Variants in GALNT2 observed in about 807,000 individuals in gnomAD.
The protein encoded by GALNT2 is polypeptide N-acetylgalactosaminyltransferase 2.
A neutral mutation model predicts 81.4 loss-of-function variants in GALNT2; 31 were observed. The observed-to-expected ratio is 0.38, with a 90% confidence interval of 0.29 to 0.51. The LOEUF (loss-of-function observed/expected upper bound fraction) is 0.51, where lower values mean the gene tolerates loss of function less well. GALNT2 is among the 20% of genes least tolerant of loss of function. The pLI is 0.87. For missense variants in GALNT2, 629 were observed against 765.7 expected, an observed-to-expected ratio of 0.82 and a Z score of 2.11; for synonymous variants, 303 against 287.4, an observed-to-expected ratio of 1.05 and a Z score of -0.55.
In GALNT2 at chr1:230,243,444, T is replaced by C; in HGVS notation, c.729+17T>C. 6.2e-7 allele frequency: 1 copy of C among 1,608,050 alleles called. No individual in the cohort carries two copies. The highest frequency in any genetic ancestry group is 1.1e-5 in the South Asian group (1 of 90,780). On this transcript the variant is annotated intron_variant, in intron 7 of 15. Transcript: ENST00000366672. This position sits in a 1 kb window ranked among gnomAD's most constrained non-coding sequence, Gnocchi z 4.2. ...GTGGCGGAGGTGAGATGACGGGGGCTGGGAGGGGTGTCAGGTCGTGGGTGG... is the reference window on the plus strand; with the variant it reads ...GTGGCGGAGGTGAGATGACGGGGGCCGGGAGGGGTGTCAGGTCGTGGGTGG...
intron 1 of GALNT2, among the ~76,000 whole-genome samples, chr1:230,118,675 G>A (rs989851493): frequency 2.0e-5 from 3 of 151,882 alleles, no homozygotes; most frequent in African/African-American, 4.8e-5. Flanking sequence ...TTTGCCCTAC[G>A]GGGACTGGCT....
At position 230,274,568 on chromosome 1, in the gene GALNT2, C is replaced by T. The variant is rs564186145; in HGVS notation, c.1560+4C>T. On this transcript the variant is annotated splice_donor_region_variant and intron_variant, in intron 15 of 15. Transcript: ENST00000366672. ...CCGAGAAAATGACAGCAGACAGGTACGGCTTGCAGGCACCCGTGGGTGCCC... is the reference window on the plus strand; with the variant it reads ...CCGAGAAAATGACAGCAGACAGGTATGGCTTGCAGGCACCCGTGGGTGCCC... The T allele has an allele frequency of 1.0e-4, 169 of 1,613,626 alleles. 2 individuals are homozygous for T. In the Middle Eastern group the frequency reaches 3.3e-3, roughly 32 times the overall value.
At chr1:230,164,316 C>CT (rs529376008) in intron 1 of GALNT2, among the ~76,000 whole-genome samples, 44 of 152,334 alleles carry the variant, frequency 2.9e-4, no homozygotes, top group African/African-American at 9.4e-4. Flanking sequence ...ATTGCCCGTA[C>CT]ATGCACTGTC....
At chr1:230,210,390 T>G (rs4846843) in intron 3 of GALNT2, among the ~76,000 whole-genome samples, 51,557 of 152,114 alleles carry the variant, frequency 0.34, 8,876 homozygotes, top group African/African-American at 0.39. Flanking sequence ...GAACTGCTTG[T>G]TAAAGAAACA....
chr1:230,171,822 A>G (rs1662803142), intron 1 of GALNT2, among the ~76,000 whole-genome samples: 2 of 152,130 alleles, frequency 1.3e-5, no homozygotes, highest in Non-Finnish European at 2.9e-5. Flanking sequence ...AATTGTATTT[A>G]TATTGGACAT....
rs189249397 is a variant in GALNT2 at position 230,057,999 on chromosome 1, C to T, written n.10C>T. Reference sequence around the variant, plus strand: ...AAGGGCTCTGATACAAGAGTGTACACGAACGAAAAGCACTGGCTGGAGATC... The same window carrying T: ...AAGGGCTCTGATACAAGAGTGTACATGAACGAAAAGCACTGGCTGGAGATC... On this transcript the variant is annotated non_coding_transcript_exon_variant, in exon 1 of 7. Coordinates refer to the GALNT2 transcript ENST00000494106. 23 of 456,120 alleles carry T rather than the reference C, an allele frequency of 5.0e-5. 1 individual carries two copies. Among genetic ancestry groups the T allele is most frequent in the Admixed American group, 1.2e-4 (5 of 42,568 alleles). The allele number at this position is 456,120 out of a possible 1,614,324, so 28.3% of individuals were successfully genotyped here. A position where few individuals can be genotyped will look rare whatever the true frequency, so the allele number is the denominator to read the frequency against.
At chr1:230,268,970 C>G (rs1019908754) in intron 14 of GALNT2, among the ~76,000 whole-genome samples, 1 of 152,220 alleles carries the variant, frequency 6.6e-6, no homozygotes, top group African/African-American at 2.4e-5. Flanking sequence ...AAGATCGGGT[C>G]TGCAGGGTGT....
At chr1:230,247,162 G>T (rs551687950) in intron 8 of GALNT2, among the ~76,000 whole-genome samples, 1 of 152,204 alleles carries the variant, frequency 6.6e-6, no homozygotes, top group East Asian at 1.9e-4. Flanking sequence ...AGCCTGGGAG[G>T]TCAAGGCTGC....
chr1:230,269,453 TG>T (rs1349477930), intron 14 of GALNT2, among the ~76,000 whole-genome samples: 2 of 152,124 alleles, frequency 1.3e-5, no homozygotes, highest in Non-Finnish European at 2.9e-5. Flanking sequence ...CCCAAAGTGC[TG>T]GGGTTACAGG....
chr1:230,079,797 T>C (rs1659672500), intron 1 of GALNT2, among the ~76,000 whole-genome samples: 1 of 152,250 alleles, frequency 6.6e-6, no homozygotes, highest in Non-Finnish European at 1.5e-5. Context: ...TAACTGTGGC[T>C]GTCCAGGCCT....
chr1:230,154,043 C>T (rs1038979508), intron 1 of GALNT2, among the ~76,000 whole-genome samples: 3 of 152,242 alleles, frequency 2.0e-5, no homozygotes, highest in Non-Finnish European at 4.4e-5. Flanking sequence ...TAATAAGTCT[C>T]TGTCAGATTA....
At chr1:230,144,776 G>A (rs1476954992) in intron 1 of GALNT2, among the ~76,000 whole-genome samples, 3 of 152,114 alleles carry the variant, frequency 2.0e-5, no homozygotes, top group African/African-American at 4.8e-5. Context: ...TATGTGGGGT[G>A]AGGATTAATT....
intron 1 of GALNT2, among the ~76,000 whole-genome samples, chr1:230,159,021 G>A (rs1304011909): frequency 1.3e-5 from 2 of 152,200 alleles, no homozygotes; most frequent in Non-Finnish European, 2.9e-5. Context: ...GGGGCAGGTG[G>A]CATGTGTCTG....
intron 1 of GALNT2, among the ~76,000 whole-genome samples, chr1:230,085,976 A>G (rs1274141276): frequency 6.6e-6 from 1 of 152,222 alleles, no homozygotes; most frequent in Non-Finnish European, 1.5e-5. Flanking sequence ...GTATGTCCAC[A>G]GCTCTATCAG....
At chr1:230,196,536 A>G (rs1663699972) in intron 2 of GALNT2, among the ~76,000 whole-genome samples, 1 of 152,210 alleles carries the variant, frequency 6.6e-6, no homozygotes, top group Non-Finnish European at 1.5e-5. Context: ...TACATTCCTC[A>G]GGACGGCAAG....
Position 230,097,755 on chromosome 1 carries a change from A to G in GALNT2, c.126+30349A>G, listed in dbSNP as rs1255990133. Among the ~76,000 whole-genome samples the G allele has an allele frequency of 3.3e-5, 5 of 152,230 alleles. No individual in the cohort carries two copies. In the East Asian group the frequency reaches 9.6e-4, roughly 29 times the overall value. ...CAAATGACACATCATAATTTCATTT[A>G]TTCTTGATATCTCAGGAAAATTTTA... On this transcript the variant is annotated intron_variant, in intron 1 of 15. Coordinates refer to ENST00000366672, the MANE Select transcript of GALNT2 (RefSeq NM_004481.5).
intron 1 of GALNT2, among the ~76,000 whole-genome samples, chr1:230,076,204 G>T (rs1659549497): frequency 6.6e-6 from 1 of 152,160 alleles, no homozygotes; most frequent in South Asian, 2.1e-4. Flanking sequence ...AGTTTAATTT[G>T]CTGATCAGCT....
At chr1:230,172,994 T>G (rs1558123404) in intron 1 of GALNT2, among the ~76,000 whole-genome samples, 1 of 152,186 alleles carries the variant, frequency 6.6e-6, no homozygotes, top group Non-Finnish European at 1.5e-5. Flanking sequence ...ATGGCCCTGG[T>G]TTAATTCCAT....
chr1:230,229,102 TCA>T (rs1252134587), intron 3 of GALNT2, among the ~76,000 whole-genome samples: 1 of 152,172 alleles, frequency 6.6e-6, no homozygotes, highest in Non-Finnish European at 1.5e-5. Flanking sequence ...TACCCCAGGG[TCA>T]CAGTTTGAAA....
Sources: allele counts gnomAD v4.1 joint callset (sites outside exome capture counted in the v4.1 genomes callset), GRCh38; gene constraint gnomAD v4.1.1; non-coding constraint Gnocchi (gnomAD v3.1); transcripts MANE v1.5; gene names NCBI Gene and HGNC (gene_info 2026-07-23, HGNC 2026-07-21).